The following COLGALT2 variants were observed in gnomAD, a reference collection of about 807,000 sequenced individuals.
The protein encoded by COLGALT2 is procollagen galactosyltransferase 2.
COLGALT2 carries 49 observed loss-of-function variants against 73.4 expected under a neutral mutation model. That is an observed-to-expected ratio of 0.67 (90% CI 0.53 to 0.85). The LOEUF (loss-of-function observed/expected upper bound fraction) is 0.85. Among genes scored for constraint, COLGALT2 ranks in the 40% least tolerant of loss-of-function variants. The probability of loss-of-function intolerance (pLI) is 0.00; values close to 1 mark genes in which losing one functional copy is unlikely to be tolerated. For missense variants in COLGALT2, 722 were observed against 790.2 expected (o/e 0.91, Z 1.03); for synonymous variants, 295 against 307.6 (o/e 0.96, Z 0.43).
In COLGALT2 at chr1:183,951,521, C is replaced by T. The variant is rs146324382; in HGVS notation, c.1030-408G>A. Reference sequence around the variant, plus strand: ...GTAAAGTTGCAAGATACAAAGTCAACGCACAAAAATCATTAGCATTTATAT... The same window carrying T: ...GTAAAGTTGCAAGATACAAAGTCAATGCACAAAAATCATTAGCATTTATAT... On this transcript the variant is annotated intron_variant, in intron 7 of 11. Coordinates refer to ENST00000361927, the MANE Select transcript of COLGALT2 (RefSeq NM_015101.4). Among the ~76,000 whole-genome samples, 78 of 152,098 alleles carry T rather than the reference C, an allele frequency of 5.1e-4. No homozygotes were observed. The East Asian group carries it at 8.3e-3, about 16-fold the overall frequency.
chr1:183,994,613 C>T (rs150030035), intron 1 of COLGALT2, among the ~76,000 whole-genome samples: 18 of 152,226 alleles, frequency 1.2e-4, no homozygotes, highest in African/African-American at 4.3e-4. Flanking sequence ...TGCCACCATG[C>T]CCGGCCAATT....
chr1:183,952,893 G>T (rs1333085778), intron 7 of COLGALT2, among the ~76,000 whole-genome samples: 2 of 152,212 alleles, frequency 1.3e-5, no homozygotes, highest in Non-Finnish European at 2.9e-5. Context: ...ATCATACTGT[G>T]ATGGGTCATG....
chr1:183,983,104 T>C (rs927014311), intron 1 of COLGALT2, among the ~76,000 whole-genome samples: 3 of 152,222 alleles, frequency 2.0e-5, no homozygotes, highest in Admixed American at 6.5e-5. Context: ...ATTCTCTTTA[T>C]TGAGTTAAAA....
intron 1 of COLGALT2, among the ~76,000 whole-genome samples, chr1:184,028,066 C>A (rs1185633609): frequency 6.6e-6 from 1 of 152,170 alleles, no homozygotes; most frequent in Non-Finnish European, 1.5e-5. Flanking sequence ...TTTCCACTAT[C>A]TTGGCGGGTG....
chr1:183,991,690 G>A (rs1006013839), intron 1 of COLGALT2, among the ~76,000 whole-genome samples: 5 of 152,162 alleles, frequency 3.3e-5, no homozygotes, highest in African/African-American at 1.2e-4. Flanking sequence ...TCACATGGCG[G>A]TGGTGGGGGA....
intron 6 of COLGALT2, among the ~76,000 whole-genome samples, chr1:183,957,444 C>A (rs1670583041): frequency 1.3e-5 from 2 of 152,178 alleles, no homozygotes; most frequent in African/African-American, 2.4e-5. Flanking sequence ...TCATTTAAGC[C>A]CAGTCATGTC....
chr1:183,934,969 C>T (rs1490101595), downstream of COLGALT2, among the ~76,000 whole-genome samples: 1 of 152,222 alleles, frequency 6.6e-6, no homozygotes, highest in Non-Finnish European at 1.5e-5. Flanking sequence ...GCCAACTTGC[C>T]TTGCCAGCAT....
intron 1 of COLGALT2, among the ~76,000 whole-genome samples, chr1:183,987,968 C>T (rs547523772): frequency 7.3e-4 from 111 of 152,258 alleles, no homozygotes; most frequent in African/African-American, 2.6e-3. Flanking sequence ...GGCAGGAGGT[C>T]TCTGGAAATC....
At chr1:183,930,544 A>G (rs1375235447) in intron 11 of COLGALT2, among the ~76,000 whole-genome samples, 1 of 150,008 alleles carries the variant, frequency 6.7e-6, no homozygotes, top group Admixed American at 6.6e-5. Flanking sequence ...GCAAGCCACC[A>G]ATGCCCTGCT....
At chr1:183,993,788 C>A (rs1303063385) in intron 1 of COLGALT2, among the ~76,000 whole-genome samples, 1 of 150,950 alleles carries the variant, frequency 6.6e-6, no homozygotes, top group Non-Finnish European at 1.5e-5. Flanking sequence ...CAGAACATGT[C>A]GCTGTTAAAA....
At chr1:183,946,619 A>C (rs1670256553) in intron 8 of COLGALT2, 1 of 152,242 alleles carries the variant, frequency 6.6e-6, no homozygotes, top group African/African-American at 2.4e-5. Flanking sequence ...GAATAGAAAA[A>C]GATATACCAT....
Position 183,978,407 on chromosome 1 carries a change from C to T in COLGALT2, c.374+3G>A. The T allele has an allele frequency of 1.9e-6, 3 of 1,561,456 alleles. No individual in the cohort carries two copies. Among genetic ancestry groups the T allele is most frequent in the Non-Finnish European group, 2.6e-6 (3 of 1,133,740 alleles). Reference sequence around the variant, plus strand: ...GTTTACAAATTTCGCACTTGCTACTCACTCTGGTTCATCCATAGGCCTCCA... The same window carrying T: ...GTTTACAAATTTCGCACTTGCTACTTACTCTGGTTCATCCATAGGCCTCCA... On this transcript the variant is annotated splice_donor_region_variant and intron_variant, in intron 2 of 11. Coordinates refer to ENST00000361927, the MANE Select transcript of COLGALT2 (RefSeq NM_015101.4).
chr1:183,969,528 C>T, intron 4 of COLGALT2, 55 bp from the exon 5 acceptor site: 1 of 1,480,234 alleles, frequency 6.8e-7, no homozygotes, highest in Admixed American at 2.0e-5. Context: ...CTTCATCCTT[C>T]TCAGTCATTT....
intron 1 of COLGALT2, among the ~76,000 whole-genome samples, chr1:184,026,339 G>A (rs959449209): frequency 1.2e-4 from 19 of 152,074 alleles, no homozygotes; most frequent in African/African-American, 4.6e-4. Flanking sequence ...AAAATAAAGT[G>A]GATGCATAAA....
intron 1 of COLGALT2, among the ~76,000 whole-genome samples, chr1:184,000,721 T>C (rs980857879): frequency 6.6e-6 from 1 of 152,092 alleles, no homozygotes; most frequent in Non-Finnish European, 1.5e-5. Flanking sequence ...TAGTAAATTA[T>C]CTCAATTTTT....
Position 183,938,411 on chromosome 1 carries a change from T to C in COLGALT2, c.*350A>G. 2 of 1,077,926 alleles carry C rather than the reference T, an allele frequency of 1.9e-6. No homozygotes were observed. Among genetic ancestry groups the C allele is most frequent in the Non-Finnish European group, 1.1e-6 (1 of 887,698 alleles). The allele number at this position is 1,077,926 out of a possible 1,614,324, so 66.8% of individuals were successfully genotyped here. ...CATATTTGCTGATGTGACAGCTCGG[T>C]GATCACTTTCTCTTGAACAAGACTC... On this transcript the variant is annotated 3_prime_UTR_variant, in exon 12 of 12. Coordinates refer to ENST00000361927, the MANE Select transcript of COLGALT2 (RefSeq NM_015101.4).
intron 2 of COLGALT2, among the ~76,000 whole-genome samples, chr1:183,977,118 G>A (rs1005161884): frequency 6.6e-6 from 1 of 152,160 alleles, no homozygotes; most frequent in Non-Finnish European, 1.5e-5. Context: ...ATTTGTATTT[G>A]AGGTAGATTG....
intron 1 of COLGALT2, among the ~76,000 whole-genome samples, chr1:184,013,976 C>G (rs1232799367): frequency 6.6e-6 from 1 of 151,958 alleles, no homozygotes; most frequent in Non-Finnish European, 1.5e-5. Context: ...GGAGACAGAG[C>G]TGGTTGAGAA....
chr1:183,935,236 A>G (rs1669924977), downstream of COLGALT2, among the ~76,000 whole-genome samples: 1 of 152,204 alleles, frequency 6.6e-6, no homozygotes, highest in Non-Finnish European at 1.5e-5. Flanking sequence ...TCTCTGAAAT[A>G]AAACCATCCT....
Sources: allele counts gnomAD v4.1 joint callset (sites outside exome capture counted in the v4.1 genomes callset), GRCh38; gene constraint gnomAD v4.1.1; transcripts MANE v1.5; gene names NCBI Gene and HGNC (gene_info 2026-07-23, HGNC 2026-07-21).